SYT1: variants seen among roughly 807,000 people sequenced by gnomAD.
SYT1 encodes the protein synaptotagmin-1.
A neutral mutation model predicts 44.8 loss-of-function variants in SYT1; 8 were observed. That is an observed-to-expected ratio of 0.18 (90% CI 0.10 to 0.32). The LOEUF is 0.32. Ranked by LOEUF, SYT1 falls within the 10% of genes least tolerant of loss-of-function variation. SYT1 has a pLI of 1.00. For missense variants in SYT1, 286 were observed against 509.3 expected (o/e 0.56, Z 4.22); for synonymous variants, 154 against 188.8 (o/e 0.82, Z 1.51).
At chr12:79,320,268 G>A (rs995252811) in intron 8 of SYT1, among the ~76,000 whole-genome samples, 1 of 152,172 alleles carries the variant, frequency 6.6e-6, no homozygotes, top group Non-Finnish European at 1.5e-5. Flanking sequence ...TCTCATGAAA[G>A]AGAGAGAGAA....
intron 3 of SYT1, among the ~76,000 whole-genome samples, chr12:79,146,394 G>C (rs371491308): frequency 6.6e-6 from 1 of 152,112 alleles, no homozygotes; most frequent in Non-Finnish European, 1.5e-5. Context: ...TTCAATCTTC[G>C]TCACTTTAGA....
intron 3 of SYT1, among the ~76,000 whole-genome samples, chr12:79,127,807 G>A (rs1308775720): frequency 6.6e-6 from 1 of 152,150 alleles, no homozygotes; most frequent in Non-Finnish European, 1.5e-5. Flanking sequence ...GCAATAGAAG[G>A]GGACCTTCTT....
At chr12:78,911,753 A>C (rs1459285744) in intron 1 of SYT1, among the ~76,000 whole-genome samples, 1 of 151,938 alleles carries the variant, frequency 6.6e-6, no homozygotes, top group East Asian at 1.9e-4. Flanking sequence ...CTTTTTGGTC[A>C]TGATGTTGGT....
chr12:78,997,613 T>G (rs1870464082), intron 2 of SYT1, among the ~76,000 whole-genome samples: 1 of 152,118 alleles, frequency 6.6e-6, no homozygotes. Context: ...CCAGAAGCCA[T>G]CTATTACCCA....
intron 1 of SYT1, among the ~76,000 whole-genome samples, chr12:78,888,262 T>C (rs922337251): frequency 6.6e-6 from 1 of 151,916 alleles, no homozygotes; most frequent in Non-Finnish European, 1.5e-5. Context: ...AATGGATTGC[T>C]CATATTTCAA....
intron 8 of SYT1, among the ~76,000 whole-genome samples, chr12:79,314,171 A>T (rs917559044): frequency 5.3e-5 from 7 of 131,434 alleles, no homozygotes; most frequent in Non-Finnish European, 9.8e-5. Flanking sequence ...TCCGTCTCAA[A>T]AAAAAAAAAA....
intron 3 of SYT1, among the ~76,000 whole-genome samples, chr12:79,061,613 T>G (rs116827663): frequency 0.027 from 4,041 of 152,236 alleles, 169 homozygotes; most frequent in African/African-American, 0.092. Context: ...ATGGGCATTT[T>G]TAACTAATTA....
intron 1 of SYT1, among the ~76,000 whole-genome samples, chr12:78,937,994 A>AC (rs1878153290): frequency 6.6e-6 from 1 of 152,196 alleles, no homozygotes; most frequent in Admixed American, 6.5e-5. Context: ...AATGCTTACC[A>AC]TACAAAGGCA....
chr12:79,158,787 T>G (rs1592802968), intron 3 of SYT1, among the ~76,000 whole-genome samples: 1 of 151,936 alleles, frequency 6.6e-6, no homozygotes, highest in Admixed American at 6.6e-5. Context: ...GTCCCAGCTA[T>G]TTTGGAGGCT....
chr12:78,865,566 G>A (rs866344730), intron 1 of SYT1, among the ~76,000 whole-genome samples: 321 of 1,758 alleles, frequency 0.18, 1 homozygote, highest in African/African-American at 0.39. Context: ...GAGGGATATG[G>A]GGGGGGGGGG....
chr12:79,398,163 A>G (rs1884942130), intron 9 of SYT1, among the ~76,000 whole-genome samples: 1 of 152,194 alleles, frequency 6.6e-6, no homozygotes, highest in African/African-American at 2.4e-5. Context: ...GATCCACAGA[A>G]TAAGGGTAGG....
chr12:78,873,365 A>C (rs879256303), intron 1 of SYT1, among the ~76,000 whole-genome samples: 1 of 151,700 alleles, frequency 6.6e-6, no homozygotes, highest in Admixed American at 6.6e-5. Flanking sequence ...CCACTGAAAA[A>C]ATAAGAAAGA....
In SYT1 at chr12:79,236,624, T is replaced by G. The variant is rs142896126; in HGVS notation, c.166+18939T>G. Among the ~76,000 whole-genome samples, 1,126 of 152,328 alleles carry G rather than the reference T, an allele frequency of 7.4e-3. 7 individuals carry two copies. The highest frequency in any genetic ancestry group is 0.011 in the Non-Finnish European group (740 of 68,028). On this transcript the variant is annotated intron_variant, in intron 4 of 10. Coordinates refer to ENST00000261205, the MANE Select transcript of SYT1 (RefSeq NM_005639.3). ...ATAAGCTCATATCTTCCTTACTAGA[T>G]TTTTAAGAAAACTGTAGAGGTTGAC...
At chr12:79,146,211 CACAG>C (rs1403993700) in intron 3 of SYT1, among the ~76,000 whole-genome samples, 1 of 152,128 alleles carries the variant, frequency 6.6e-6, no homozygotes, top group African/African-American at 2.4e-5. Flanking sequence ...AACATATTCC[CACAG>C]ACAGGCAGCA....
At chr12:78,894,754 C>G (rs920608966) in intron 1 of SYT1, among the ~76,000 whole-genome samples, 9 of 151,418 alleles carry the variant, frequency 5.9e-5, no homozygotes, top group African/African-American at 2.2e-4. Flanking sequence ...ATGCTGGTTA[C>G]CAGAGACTGG....
At chr12:78,940,774 C>T (rs1252573638) in intron 1 of SYT1, among the ~76,000 whole-genome samples, 1 of 152,052 alleles carries the variant, frequency 6.6e-6, no homozygotes, top group Admixed American at 6.6e-5. Flanking sequence ...TTTTTAGATA[C>T]ATTTTCTTCC....
chr12:79,096,644 G>A (rs2138029014), intron 3 of SYT1, among the ~76,000 whole-genome samples: 1 of 152,036 alleles, frequency 6.6e-6, no homozygotes, highest in East Asian at 1.9e-4. Context: ...TATGTTAAAA[G>A]GAACAGAGGA....
chr12:79,085,982 G>C (rs1036257910), intron 3 of SYT1, among the ~76,000 whole-genome samples: 1 of 151,934 alleles, frequency 6.6e-6, no homozygotes, highest in South Asian at 2.1e-4. Context: ...ATGATCACCA[G>C]GTTTGAATCC....
intron 1 of SYT1, among the ~76,000 whole-genome samples, chr12:78,871,907 C>T (rs1873840564): frequency 6.6e-6 from 1 of 151,446 alleles, no homozygotes; most frequent in South Asian, 2.1e-4. Context: ...CTATTTTAAC[C>T]AATGTTCAGA....
Sources: gnomAD v4.1 joint callset for allele counts (sites outside exome capture counted in the v4.1 genomes callset) on GRCh38, gnomAD v4.1.1 for gene constraint, MANE v1.5 for transcripts, NCBI Gene and HGNC (gene_info 2026-07-23, HGNC 2026-07-21) for gene names.